The following DZIP3 variants were observed in gnomAD, a reference collection of about 807,000 sequenced individuals.
DZIP3 encodes DAZ interacting zinc finger protein 3.
In DZIP3, 118 loss-of-function variants were observed where a neutral mutation model predicts 162.0. That is an observed-to-expected ratio of 0.73 (90% CI 0.63 to 0.85). The LOEUF (loss-of-function observed/expected upper bound fraction) is 0.85. Among genes scored for constraint, DZIP3 ranks in the 40% least tolerant of loss-of-function variants. The pLI, the probability that DZIP3 is intolerant of heterozygous loss-of-function variation, is 0.00. For missense variants in DZIP3, 1,331 were observed against 1,407.0 expected, an observed-to-expected ratio of 0.95 and a Z score of 0.86; for synonymous variants, 438 against 458.6, an observed-to-expected ratio of 0.96 and a Z score of 0.57.
intron 7 of DZIP3, among the ~76,000 whole-genome samples, chr3:108,628,525 TTC>T (rs1284263063): frequency 1.3e-5 from 2 of 152,150 alleles, no homozygotes; most frequent in Non-Finnish European, 2.9e-5. Flanking sequence ...CTAGAGGAGG[TTC>T]TTTTGATGTT....
chr3:108,637,056 T>C (rs902059714), intron 11 of DZIP3, among the ~76,000 whole-genome samples: 8 of 152,034 alleles, frequency 5.3e-5, no homozygotes, highest in African/African-American at 1.9e-4. Context: ...CCTCTTTTAG[T>C]CTGTAAATAT....
At chr3:108,631,551 A>T (rs1282617490) in intron 8 of DZIP3, among the ~76,000 whole-genome samples, 15 of 146,474 alleles carry the variant, frequency 1.0e-4, no homozygotes, top group South Asian at 8.8e-4. Context: ...TAATTTTTTA[A>T]AAAAAATTAT....
intron 7 of DZIP3, 33 bp from the exon 8 acceptor site, chr3:108,629,029 T>A (rs1941710255): frequency 1.4e-6 from 2 of 1,429,354 alleles, no homozygotes; most frequent in Non-Finnish European, 1.9e-6. Flanking sequence ...CACAGTCCCG[T>A]TCAAACTAAC....
At chr3:108,679,744 A>G (rs536676172) in intron 26 of DZIP3, among the ~76,000 whole-genome samples, 2 of 152,244 alleles carry the variant, frequency 1.3e-5, no homozygotes, top group East Asian at 3.9e-4. Context: ...TTGATTTCCC[A>G]TCAGTGAATT....
At chr3:108,594,648 T>G (rs1330414554) in intron 1 of DZIP3, among the ~76,000 whole-genome samples, 1 of 152,010 alleles carries the variant, frequency 6.6e-6, no homozygotes, top group African/African-American at 2.4e-5. Flanking sequence ...TATGTGTCTA[T>G]GTGTTCTTTC....
At chr3:108,666,570 C>T (rs1943687246) in intron 21 of DZIP3, among the ~76,000 whole-genome samples, 1 of 152,082 alleles carries the variant, frequency 6.6e-6, no homozygotes, top group Non-Finnish European at 1.5e-5. Context: ...AACACCCCAC[C>T]CGACAACAGT....
intron 26 of DZIP3, among the ~76,000 whole-genome samples, chr3:108,679,199 C>T (rs924061609): frequency 6.6e-6 from 1 of 152,082 alleles, no homozygotes; most frequent in Non-Finnish European, 1.5e-5. Flanking sequence ...TTCAATGGCT[C>T]TTAACTATAA....
chr3:108,689,600 T>C, intron 31 of DZIP3, among the ~76,000 whole-genome samples: 1 of 151,982 alleles, frequency 6.6e-6, no homozygotes, highest in East Asian at 1.9e-4. Context: ...GGCAGGAGAA[T>C]GGTGTGAACC....
At chr3:108,642,560 A>T (rs752298157) in intron 13 of DZIP3, 46 bp downstream of exon 13, 1 of 1,402,878 alleles carries the variant, frequency 7.1e-7, no homozygotes, top group Admixed American at 2.8e-5. Flanking sequence ...GTATGTTAAA[A>T]TTTTTGACTT....
intron 5 of DZIP3, among the ~76,000 whole-genome samples, chr3:108,617,652 T>G (rs557575594): frequency 6.6e-6 from 1 of 152,174 alleles, no homozygotes; most frequent in Non-Finnish European, 1.5e-5. Context: ...AAATAATACT[T>G]ATTTAGGATT....
intron 1 of DZIP3, among the ~76,000 whole-genome samples, chr3:108,599,122 G>T (rs1214225648): frequency 6.6e-6 from 1 of 152,186 alleles, no homozygotes; most frequent in African/African-American, 2.4e-5. Flanking sequence ...GTAACAAGGG[G>T]TGATGAGTAT....
chr3:108,645,864 T>C (rs753004231), intron 14 of DZIP3, among the ~76,000 whole-genome samples: 1 of 152,208 alleles, frequency 6.6e-6, no homozygotes. Flanking sequence ...TTTTGACTTA[T>C]AAATTAGGGT....
At chr3:108,653,473 T>C (rs1236497421) in intron 18 of DZIP3, among the ~76,000 whole-genome samples, 1 of 144,920 alleles carries the variant, frequency 6.9e-6, no homozygotes, top group East Asian at 2.0e-4. Context: ...TAGAAAAAAG[T>C]GTAGAAATTG....
At chr3:108,679,176 T>A (rs1944216134) in intron 26 of DZIP3, among the ~76,000 whole-genome samples, 1 of 152,118 alleles carries the variant, frequency 6.6e-6, no homozygotes, top group African/African-American at 2.4e-5. Flanking sequence ...GTCCTTAGAT[T>A]GTAGTTAAAT....
rs57047978 is a variant in DZIP3 at position 108,653,507 on chromosome 3, G to GTATATATATATATATATA, written c.2034-620_2034-603dup. ...TGGTTAATTGCCATTGTGTGTGTGT[G>GTATATATATATATATATA]TATATATATATATATATATATATAT... On this transcript the variant is annotated intron_variant, in intron 18 of 32. Transcript: ENST00000361582. Among the ~76,000 whole-genome samples the GTATATATATATATATATA allele has an allele frequency of 3.3e-4, 35 of 104,584 alleles. 2 individuals are homozygous for GTATATATATATATATATA. The highest frequency in any genetic ancestry group is 3.6e-4 in the Non-Finnish European group (18 of 49,740). 68.6% of individuals were successfully genotyped at this position (104,584 alleles called of 152,430 possible). A position where few individuals can be genotyped will look rare whatever the true frequency, so the allele number is the denominator to read the frequency against.
At position 108,651,122 on chromosome 3, in the gene DZIP3, TA is replaced by T; in HGVS notation, c.2008-14del. On this transcript the variant is annotated splice_polypyrimidine_tract_variant and intron_variant, in intron 17 of 32. Coordinates refer to ENST00000361582, the MANE Select transcript of DZIP3 (RefSeq NM_014648.4). ...ATAGTTGATATAGATTACTAATTCT[TA>T]TGTTATTTTTCAGAATAAAGACTCA... 1.4e-6 allele frequency: 1 copy of T among 705,002 alleles called. No homozygotes were observed. The highest frequency in any genetic ancestry group is 2.0e-6 in the Non-Finnish European group (1 of 487,930). The allele number at this position is 705,002 out of a possible 1,614,324, so 43.7% of individuals were successfully genotyped here.
chr3:108,688,533 T>C, intron 29 of DZIP3, 60 bp from the exon 30 acceptor site: 1 of 1,554,992 alleles, frequency 6.4e-7, no homozygotes, highest in South Asian at 1.2e-5. Context: ...GTACTAATGT[T>C]TCAGCTCTTA....
intron 19 of DZIP3, among the ~76,000 whole-genome samples, chr3:108,657,324 G>A (rs1252361222): frequency 6.6e-6 from 1 of 152,000 alleles, no homozygotes; most frequent in Non-Finnish European, 1.5e-5. Context: ...AGAGAGTGGG[G>A]GCCAATATTC....
chr3:108,691,987 T>G (rs4467464), intron 32 of DZIP3, among the ~76,000 whole-genome samples: 1 of 152,118 alleles, frequency 6.6e-6, no homozygotes, highest in Admixed American at 6.5e-5. Context: ...TCAGTTACTC[T>G]TCACGGAACA....
Sources: allele counts gnomAD v4.1 joint callset (sites outside exome capture counted in the v4.1 genomes callset), GRCh38; gene constraint gnomAD v4.1.1; transcripts MANE v1.5; gene names NCBI Gene and HGNC (gene_info 2026-07-23, HGNC 2026-07-21).